ANKS1B: variants seen among roughly 807,000 people sequenced by gnomAD.
The protein encoded by ANKS1B is ankyrin repeat and sterile alpha motif domain-containing protein 1B.
A neutral mutation model predicts 148.3 loss-of-function variants in ANKS1B; 36 were observed. The ratio of observed to expected loss-of-function variants is 0.24; its 90% CI spans 0.19 to 0.32. ANKS1B has a LOEUF of 0.32. Ranked by LOEUF, ANKS1B falls within the 10% of genes least tolerant of loss-of-function variation. ANKS1B has a pLI of 1.00. For missense variants in ANKS1B, 1,157 were observed against 1,542.6 expected (o/e 0.75, Z 4.19); for synonymous variants, 542 against 560.8 (o/e 0.97, Z 0.47).
chr12:98,781,585 C>G, intron 23 of ANKS1B: 1 of 379,904 alleles, frequency 2.6e-6, no homozygotes. Flanking sequence ...CCACATCGGA[C>G]TTAACTCCAA....
chr12:99,060,121 T>C (rs983940783), intron 16 of ANKS1B, among the ~76,000 whole-genome samples: 13 of 152,132 alleles, frequency 8.5e-5, no homozygotes. Context: ...TTCCAAAGTC[T>C]GGAAAAACCT....
At chr12:98,888,363 T>TA (rs2099744957) in intron 17 of ANKS1B, among the ~76,000 whole-genome samples, 1 of 152,184 alleles carries the variant, frequency 6.6e-6, no homozygotes, top group Non-Finnish European at 1.5e-5. Context: ...GTCACTATTA[T>TA]TTCTCACCTG....
chr12:99,171,497 G>A (rs1018942709), intron 14 of ANKS1B, among the ~76,000 whole-genome samples: 1 of 152,104 alleles, frequency 6.6e-6, no homozygotes, highest in Non-Finnish European at 1.5e-5. Context: ...CCAAGATTAT[G>A]GTCTGATGTT....
At chr12:99,831,790 G>C (rs987830299) in intron 1 of ANKS1B, among the ~76,000 whole-genome samples, 1 of 151,860 alleles carries the variant, frequency 6.6e-6, no homozygotes, top group Admixed American at 6.6e-5. Context: ...AGGGATCCTA[G>C]AGAGGACGCA....
intron 17 of ANKS1B, among the ~76,000 whole-genome samples, chr12:98,919,697 G>T (rs1375658713): frequency 2.6e-5 from 4 of 151,986 alleles, no homozygotes; most frequent in East Asian, 3.9e-4. Context: ...TTCTTTTTTA[G>T]TTTGCTCTTA....
At chr12:98,896,601 G>A (rs966423120) in intron 17 of ANKS1B, among the ~76,000 whole-genome samples, 3 of 152,270 alleles carry the variant, frequency 2.0e-5, no homozygotes, top group African/African-American at 7.2e-5. Context: ...TTTAGCAAGC[G>A]GCAGGGCCAG....
intron 10 of ANKS1B, among the ~76,000 whole-genome samples, chr12:99,499,130 G>C (rs980079596): frequency 1.3e-5 from 2 of 152,260 alleles, no homozygotes; most frequent in African/African-American, 4.8e-5. Context: ...CAATTCTGTG[G>C]GGCTGAGTGG....
chr12:99,377,966 AATACT>A (rs1340642770), intron 12 of ANKS1B, among the ~76,000 whole-genome samples: 4 of 152,210 alleles, frequency 2.6e-5, no homozygotes, highest in Non-Finnish European at 5.9e-5. Context: ...TTATAGATGG[AATACT>A]CAGGCCATTC....
At chr12:99,086,700 T>C (rs1160105144) in intron 15 of ANKS1B, among the ~76,000 whole-genome samples, 1 of 152,224 alleles carries the variant, frequency 6.6e-6, no homozygotes, top group South Asian at 2.1e-4. Context: ...ATATTGCTCA[T>C]TTTATCCCTA....
chr12:99,571,202 T>C (rs1488719232), intron 9 of ANKS1B, among the ~76,000 whole-genome samples: 1 of 152,108 alleles, frequency 6.6e-6, no homozygotes, highest in African/African-American at 2.4e-5. Context: ...TGATTTACCA[T>C]AACATGTGTA....
intron 15 of ANKS1B, among the ~76,000 whole-genome samples, chr12:99,091,190 A>G (rs1477522121): frequency 6.6e-6 from 1 of 152,156 alleles, no homozygotes; most frequent in Non-Finnish European, 1.5e-5. Context: ...AATAAATTAT[A>G]TCTTAAGGTT....
At chr12:98,883,186 A>C (rs2099718578) in intron 17 of ANKS1B, among the ~76,000 whole-genome samples, 1 of 152,210 alleles carries the variant, frequency 6.6e-6, no homozygotes, top group Admixed American at 6.5e-5. Context: ...TATTAATTTT[A>C]TAACATCTGG....
At chr12:99,416,019 G>T (rs1203777066) in intron 11 of ANKS1B, among the ~76,000 whole-genome samples, 3 of 151,996 alleles carry the variant, frequency 2.0e-5, no homozygotes, top group Non-Finnish European at 4.4e-5. Context: ...CTTCTCTCCT[G>T]CCCCCACCTC....
intron 17 of ANKS1B, chr12:99,048,802 A>T (rs1364438841): frequency 6.6e-6 from 1 of 152,274 alleles, no homozygotes; most frequent in Non-Finnish European, 1.5e-5. Context: ...GGGCTGGCTG[A>T]GGGAAGCTTC....
intron 1 of ANKS1B, among the ~76,000 whole-genome samples, chr12:99,887,329 A>T (rs1393325846): frequency 6.6e-6 from 1 of 152,234 alleles, no homozygotes; most frequent in African/African-American, 2.4e-5. Context: ...AAGATAAAGA[A>T]TGTAAAATTC....
intron 1 of ANKS1B, among the ~76,000 whole-genome samples, chr12:99,958,548 A>G (rs918134316): frequency 6.6e-6 from 1 of 151,898 alleles, no homozygotes; most frequent in Non-Finnish European, 1.5e-5. Context: ...ATGCCTAGCT[A>G]ATTTTTTTGT....
chr12:99,493,837 T>A (rs1234388050), intron 10 of ANKS1B, among the ~76,000 whole-genome samples: 1 of 152,144 alleles, frequency 6.6e-6, no homozygotes, highest in African/African-American at 2.4e-5. Flanking sequence ...AGATATTAGA[T>A]GGATTAATAG....
intron 10 of ANKS1B, among the ~76,000 whole-genome samples, chr12:99,455,280 T>C (rs538493112): frequency 6.6e-6 from 1 of 152,132 alleles, no homozygotes; most frequent in South Asian, 2.1e-4. Flanking sequence ...AGTTAGAAAA[T>C]GAACCTGCTG....
At chr12:99,219,333 C>T (rs2084725778) in intron 14 of ANKS1B, among the ~76,000 whole-genome samples, 1 of 152,068 alleles carries the variant, frequency 6.6e-6, no homozygotes, top group South Asian at 2.1e-4. Flanking sequence ...TTTCCAAGGA[C>T]CTAGAAACCA....
Sources: gnomAD v4.1 joint callset for allele counts (sites outside exome capture counted in the v4.1 genomes callset) on GRCh38, gnomAD v4.1.1 for gene constraint, MANE v1.5 for transcripts, NCBI Gene and HGNC (gene_info 2026-07-23, HGNC 2026-07-21) for gene names.